Variants in OR2G6 observed in about 807,000 individuals in gnomAD.
OR2G6 encodes olfactory receptor family 2 subfamily G member 6.
For missense variants in OR2G6, 457 were observed against 391.3 expected, an observed-to-expected ratio of 1.17 and a Z score of -1.42; for synonymous variants, 183 against 155.2, an observed-to-expected ratio of 1.18 and a Z score of -1.33.
In OR2G6 at chr1:248,521,847, G is replaced by T; in HGVS notation, c.201G>T (p.Ser67=). The T allele has an allele frequency of 6.2e-7, 1 of 1,614,120 alleles. No individual in the cohort carries two copies. The highest frequency in any genetic ancestry group is 8.5e-7 in the Non-Finnish European group (1 of 1,180,020). The part of the protein sequence containing the change: ...TPMYFFLSNL[S]CVDICFTTSV... ...TGTACTTCTTCCTCAGCAACCTCTC[G>T]TGTGTGGACATCTGCTTTACCACCA... The change falls in exon 2 of 2, where the codon TCG becomes TCT. Residue 67 remains serine, a synonymous_variant. Coordinates refer to ENST00000641804, the MANE Select transcript of OR2G6 (RefSeq NM_001013355.2).
At position 248,523,628 on chromosome 1, in the gene OR2G6, A is replaced by G. The variant is rs915676162; in HGVS notation, c.*1031A>G. 1.3e-5 allele frequency: 2 copies of G among 152,316 alleles called. No homozygotes were observed. The highest frequency in any genetic ancestry group is 4.1e-4 in the South Asian group (2 of 4,830). 9.4% of individuals were successfully genotyped at this position (152,316 alleles called of 1,614,324 possible). ...ATGAAATATTTAGAAGCATTTTAAT[A>G]AATGTATTCTTATATTTGACCAAAC... is the stretch of plus-strand genomic sequence containing the variant. On this transcript the variant is annotated 3_prime_UTR_variant, in exon 2 of 2. Coordinates refer to ENST00000641804, the MANE Select transcript of OR2G6 (RefSeq NM_001013355.2).
rs1300554533 is a variant in OR2G6 at position 248,526,415 on chromosome 1, A to G, written c.*3818A>G. ...ACAGTAATCAGCAGCTGGGGCTGGT[A>G]CCATAGGGATACTTAAAGTTGAATT... On this transcript the variant is annotated 3_prime_UTR_variant, in exon 2 of 2. Coordinates refer to ENST00000641804, the MANE Select transcript of OR2G6 (RefSeq NM_001013355.2). 1 of 152,234 alleles carries G rather than the reference A, an allele frequency of 6.6e-6. No individual in the cohort carries two copies. Among genetic ancestry groups the G allele is most frequent in the Non-Finnish European group, 1.5e-5 (1 of 68,030 alleles). 9.4% of individuals were successfully genotyped at this position (152,234 alleles called of 1,614,324 possible).
At position 248,524,790 on chromosome 1, in the gene OR2G6, T is replaced by A. The variant is rs916130638; in HGVS notation, c.*2193T>A. ...CAAATTATTACTGTATACAATAAAT[T>A]CAAACATAATTCAGAAAAAAATAGA... On this transcript the variant is annotated 3_prime_UTR_variant, in exon 2 of 2. Coordinates refer to ENST00000641804, the MANE Select transcript of OR2G6 (RefSeq NM_001013355.2). 1 of 151,972 alleles carries A rather than the reference T, an allele frequency of 6.6e-6. No individual in the cohort carries two copies. The highest frequency in any genetic ancestry group is 2.4e-5 in the African/African-American group (1 of 41,252). The allele number at this position is 151,972 out of a possible 1,614,324, so 9.4% of individuals were successfully genotyped here. A position where few individuals can be genotyped will look rare whatever the true frequency, so the allele number is the denominator to read the frequency against.
chr1:248,522,580 C>A lies in OR2G6; in HGVS notation c.934C>A (p.Gln312Lys). 6.2e-7 allele frequency: 1 copy of A among 1,607,954 alleles called. No individual in the cohort carries two copies. The highest frequency in any genetic ancestry group is 1.1e-5 in the South Asian group (1 of 90,288). ...RTLILGSAAGQSHKD is the reference protein window; with the variant it reads ...RTLILGSAAGKSHKD ...CCTGATACTGGGTAGTGCTGCTGGA[C>A]AAAGCCACAAGGACTAGGAAACACC... The change falls in exon 2 of 2, where the codon CAA becomes AAA. Residue 312 changes from glutamine (Q) to lysine (K), a missense_variant. Physicochemically the swap from Gln to Lys is moderately conservative, Grantham distance 53. Transcript: ENST00000641804.
rs1236949255 is a variant in OR2G6 at position 248,521,750 on chromosome 1, A to G, written c.104A>G (p.Tyr35Cys). The change falls in exon 2 of 2, where the codon TAC (tyrosine) becomes TGC (cysteine). Residue 35 changes from tyrosine (Y) to cysteine (C), a missense_variant. Physicochemically the swap from Tyr to Cys is radical, Grantham distance 194. Coordinates refer to ENST00000641804, the MANE Select transcript of OR2G6 (RefSeq NM_001013355.2). ...CTTTTTGCCATCATTTTGTACTTCT[A>G]CGTCTTGAGCCTTCTGGGGAACACT... Reference protein sequence around the residue: ...RFLFAIILYFYVLSLLGNTAL... With the variant: ...RFLFAIILYFCVLSLLGNTAL... 1 of 1,613,950 alleles carries G rather than the reference A, an allele frequency of 6.2e-7. No homozygotes were observed. The highest frequency in any genetic ancestry group is 8.5e-7 in the Non-Finnish European group (1 of 1,179,982).
chr1:248,519,464 G>C (rs915555729), intron 1 of OR2G6, among the ~76,000 whole-genome samples: 3 of 150,890 alleles, frequency 2.0e-5, no homozygotes, highest in South Asian at 2.1e-4. Flanking sequence ...TATTGTTTTA[G>C]GTCTAACATT....
In OR2G6 at chr1:248,523,099, A is replaced by AC; in HGVS notation, c.*502_*503insC. ...TAACTGTTTCATAATATGTTTCCAT[A>AC]GCACTTGATCCACACTACCATTTCT... On this transcript the variant is annotated 3_prime_UTR_variant, in exon 2 of 2. Transcript: ENST00000641804. 1 of 156,268 alleles carries AC rather than the reference A, an allele frequency of 6.4e-6. No individual in the cohort carries two copies. The highest frequency in any genetic ancestry group is 1.4e-5 in the Non-Finnish European group (1 of 70,610). The allele number at this position is 156,268 out of a possible 1,614,324, so 9.7% of individuals were successfully genotyped here. A position where few individuals can be genotyped will look rare whatever the true frequency, so the allele number is the denominator to read the frequency against.
rs1347760938 is a variant in OR2G6, at chr1:248,523,698, TTGTG to T, written c.*1105_*1108del. ...TCTGTCTCTATCTCTCTGTGTATCT[TTGTG>T]TGTCTCAGCCTCTTTCTTGCTTTCT... On this transcript the variant is annotated 3_prime_UTR_variant, in exon 2 of 2. Coordinates refer to ENST00000641804, the MANE Select transcript of OR2G6 (RefSeq NM_001013355.2). 3 of 152,180 alleles carry T rather than the reference TTGTG, an allele frequency of 2.0e-5. No homozygotes were observed. The highest frequency in any genetic ancestry group is 2.1e-4 in the South Asian group (1 of 4,830). 9.4% of individuals were successfully genotyped at this position (152,180 alleles called of 1,614,324 possible).
rs2103063647 is a variant in OR2G6, at chr1:248,524,323, AAAG to A, written c.*1730_*1732del. The A allele has an allele frequency of 6.6e-6, 1 of 152,344 alleles. No homozygotes were observed. Among genetic ancestry groups the A allele is most frequent in the African/African-American group, 2.4e-5 (1 of 41,586 alleles). 9.4% of individuals were successfully genotyped at this position (152,344 alleles called of 1,614,324 possible). Reference sequence around the variant, plus strand: ...TATCCAATTTAACAAAAACGAGGGAAAAGAAGCCTGGTTAAATTTGTCTTCTAG... The same window carrying A: ...TATCCAATTTAACAAAAACGAGGGAAAAGCCTGGTTAAATTTGTCTTCTAG... On this transcript the variant is annotated 3_prime_UTR_variant, in exon 2 of 2. Transcript: ENST00000641804.
intron 1 of OR2G6, among the ~76,000 whole-genome samples, chr1:248,520,847 TAAA>T (rs35946365): frequency 2.9e-5 from 3 of 102,078 alleles, no homozygotes; most frequent in South Asian, 5.4e-4. Flanking sequence ...CCATCTCTAC[TAAA>T]AAAAAATATA....
rs1387219695 is a variant in OR2G6 at position 248,527,314 on chromosome 1, T to C, written c.*4717T>C. The C allele has an allele frequency of 6.6e-6, 1 of 152,200 alleles. No individual in the cohort carries two copies. The highest frequency in any genetic ancestry group is 1.5e-5 in the Non-Finnish European group (1 of 68,046). The allele number at this position is 152,200 out of a possible 1,614,324, so 9.4% of individuals were successfully genotyped here. A position where few individuals can be genotyped will look rare whatever the true frequency, so the allele number is the denominator to read the frequency against. ...TCAGATAGTTGAAGATGTGTGGTAT[T>C]ATTTCGGAGGGTTCTGTTCTGTTCC... is the stretch of plus-strand genomic sequence containing the variant. On this transcript the variant is annotated 3_prime_UTR_variant, in exon 2 of 2. Transcript: ENST00000641804.
chr1:248,520,902 G>A (rs913268038), intron 1 of OR2G6, among the ~76,000 whole-genome samples: 43 of 89,496 alleles, frequency 4.8e-4, no homozygotes, highest in Non-Finnish European at 8.3e-4. Flanking sequence ...AAAAATTAGC[G>A]GGCATGGGGC....
rs375643000 is a variant in OR2G6, at chr1:248,522,014, A to C, written c.368A>C (p.Tyr123Ser). ...TTGGCCGTCATGGCTTATGACCGCT[A>C]TGCTGCTGTCTGCCGGCCACTGCGC... Reference protein sequence around the residue: ...ILLAVMAYDRYAAVCRPLRYI... With the variant: ...ILLAVMAYDRSAAVCRPLRYI... The change falls in exon 2 of 2, where the codon TAT (tyrosine) becomes TCT (serine). Residue 123 changes from tyrosine (Y) to serine (S), a missense_variant. Physicochemically the swap from Tyr to Ser is moderately radical, Grantham distance 144. Coordinates refer to ENST00000641804, the MANE Select transcript of OR2G6 (RefSeq NM_001013355.2). 3 of 1,614,012 alleles carry C rather than the reference A, an allele frequency of 1.9e-6. No homozygotes were observed. Among genetic ancestry groups the C allele is most frequent in the Non-Finnish European group, 2.5e-6 (3 of 1,180,034 alleles).
At position 248,521,693 on chromosome 1, in the gene OR2G6, G is replaced by C. The variant is rs752877915; in HGVS notation, c.47G>C (p.Gly16Ala). ...TCTGAAAAGGGATTTCTTCTCCTGG[G>C]ATTTTCAGATCAGCCTCAGCTAGAG... ...NSSEKGFLLL[G>A]FSDQPQLERF... Residue 16 changes from glycine to alanine, a missense_variant, in exon 2 of 2, where the codon GGA becomes GCA. Transcript: ENST00000641804. 2 of 1,614,048 alleles carry C rather than the reference G, an allele frequency of 1.2e-6. No individual in the cohort carries two copies. The highest frequency in any genetic ancestry group is 2.2e-5 in the South Asian group (2 of 91,046).
rs534907367 is a variant in OR2G6 at position 248,523,684 on chromosome 1, C to T, written c.*1087C>T. ...CTTTCTGATTTAATTCTGTCTCTAT[C>T]TCTCTGTGTATCTTTGTGTGTCTCA... On this transcript the variant is annotated 3_prime_UTR_variant, in exon 2 of 2. Transcript: ENST00000641804. 4.1e-5 allele frequency: 6 copies of T among 144,908 alleles called. No homozygotes were observed. The highest frequency in any genetic ancestry group is 1.9e-4 in the East Asian group (1 of 5,196). 9.0% of individuals were successfully genotyped at this position (144,908 alleles called of 1,614,324 possible).
chr1:248,521,630 C>CT lies in OR2G6; in HGVS notation c.-16dup, dbSNP rs1664285859. The CT allele has an allele frequency of 6.3e-7, 1 of 1,584,164 alleles. No homozygotes were observed. Among genetic ancestry groups the CT allele is most frequent in the Non-Finnish European group, 8.6e-7 (1 of 1,156,532 alleles). On this transcript the variant is annotated 5_prime_UTR_variant, in exon 2 of 2. Transcript: ENST00000641804. ...ACTTAGTATTTGAAGCTGAAGAGTC[C>CT]TGAAGCTGCAGGAAAAATGGAGGAA...
rs1664336480 is a variant in OR2G6, at chr1:248,523,568, T to C, written c.*971T>C. The C allele has an allele frequency of 6.6e-6, 1 of 152,196 alleles. No individual in the cohort carries two copies. Among genetic ancestry groups the C allele is most frequent in the African/African-American group, 2.4e-5 (1 of 41,450 alleles). The allele number at this position is 152,196 out of a possible 1,614,324, so 9.4% of individuals were successfully genotyped here. On this transcript the variant is annotated 3_prime_UTR_variant, in exon 2 of 2. Coordinates refer to ENST00000641804, the MANE Select transcript of OR2G6 (RefSeq NM_001013355.2). ...ACACACTGTCTCACGTTAACGATCA[T>C]AGTTATATGTTTGGTTTCCAAAACA...
chr1:248,521,853 G>A lies in OR2G6; in HGVS notation c.207G>A (p.Val69=), dbSNP rs1390622964. The stretch of plus-strand genomic sequence containing the variant: ...TCTTCCTCAGCAACCTCTCGTGTGT[G>A]GACATCTGCTTTACCACCAGTGTTG... ...MYFFLSNLSC[V]DICFTTSVAP... Residue 69 remains valine (V), a synonymous_variant, in exon 2 of 2, where the codon GTG becomes GTA. Transcript: ENST00000641804. The A allele has an allele frequency of 6.2e-7, 1 of 1,614,134 alleles. No homozygotes were observed. Among genetic ancestry groups the A allele is most frequent in the Non-Finnish European group, 8.5e-7 (1 of 1,180,012 alleles).
At position 248,526,467 on chromosome 1, in the gene OR2G6, C is replaced by A; in HGVS notation, c.*3870C>A. On this transcript the variant is annotated 3_prime_UTR_variant, in exon 2 of 2. Coordinates refer to ENST00000641804, the MANE Select transcript of OR2G6 (RefSeq NM_001013355.2). The stretch of plus-strand genomic sequence containing the variant: ...ATCAATTGCTGGAAGCTCATGTGAA[C>A]TAACTTGACAAATAAAAAAAATGTT... 6.6e-6 allele frequency: 1 copy of A among 152,312 alleles called. No homozygotes were observed. Among genetic ancestry groups the A allele is most frequent in the Non-Finnish European group, 1.5e-5 (1 of 68,040 alleles). The allele number at this position is 152,312 out of a possible 1,614,324, so 9.4% of individuals were successfully genotyped here. A position where few individuals can be genotyped will look rare whatever the true frequency, so the allele number is the denominator to read the frequency against.
Sources: gnomAD v4.1 joint callset for allele counts (sites outside exome capture counted in the v4.1 genomes callset) on GRCh38, gnomAD v4.1.1 for gene constraint, MANE v1.5 for transcripts, NCBI Gene and HGNC (gene_info 2026-07-23, HGNC 2026-07-21) for gene names.